The following ADGRG2 variants were observed in gnomAD, a reference collection of about 807,000 sequenced individuals.
ADGRG2 encodes G protein-coupled receptor 64.
A neutral mutation model predicts 74.1 loss-of-function variants in ADGRG2; 26 were observed. The observed-to-expected ratio is 0.35, with a 90% confidence interval of 0.26 to 0.49. The LOEUF (loss-of-function observed/expected upper bound fraction) is 0.49, where lower values mean the gene tolerates loss of function less well. ADGRG2 is among the 20% of genes least tolerant of loss of function. The pLI, the probability that ADGRG2 is intolerant of heterozygous loss-of-function variation, is 0.99. For missense variants in ADGRG2, 619 were observed against 763.1 expected, an observed-to-expected ratio of 0.81 and a Z score of 2.22; for synonymous variants, 296 against 295.2, an observed-to-expected ratio of 1.00 and a Z score of -0.03.
intron 2 of ADGRG2, among the ~76,000 whole-genome samples, chrX:19,075,259 C>A (rs1165555473): frequency 6.2e-4 from 64 of 103,315 alleles, no homozygotes; most frequent in African/African-American, 2.1e-3. Flanking sequence ...AAAAAAAAAA[C>A]AAAAACAAAA....
In ADGRG2 at chrX:19,007,293, G is replaced by A. The variant is rs367571716; in HGVS notation, c.1631C>T (p.Thr544Ile). The change falls in exon 20 of 29, where the codon ACC becomes ATC. Residue 544 changes from threonine to isoleucine, a missense_variant. This residue lies in a region of ADGRG2 where 221 missense variants were observed against 340.6 expected (regional missense o/e 0.65). Transcript: ENST00000379869. Reference protein sequence around the residue: ...YVISSSVANLTVRNLTRNVTV... With the variant: ...YVISSSVANLIVRNLTRNVTV... ...CACGTTTCTTGTCAAGTTCCTGACG[G>A]TCAGGTTTGCAACACTCGATGATAT... 5.2e-5 allele frequency: 63 copies of A among 1,206,644 alleles called. No individual in the cohort carries two copies. The highest frequency in any genetic ancestry group is 6.8e-5 in the Non-Finnish European group (61 of 892,147).
chrX:19,047,339 T>C (rs770310906), intron 3 of ADGRG2, among the ~76,000 whole-genome samples: 35 of 111,709 alleles, frequency 3.1e-4, no homozygotes, highest in Non-Finnish European at 2.3e-4. Flanking sequence ...TCACTCCTGA[T>C]TCCTGGGATC....
At chrX:19,044,828 G>A (rs2061143819) in intron 3 of ADGRG2, among the ~76,000 whole-genome samples, 1 of 111,766 alleles carries the variant, frequency 8.9e-6, no homozygotes, top group Non-Finnish European at 1.9e-5. Flanking sequence ...GGCATAACAG[G>A]AATAGCAAAA....
At chrX:19,046,760 C>T (rs2061198291) in intron 3 of ADGRG2, among the ~76,000 whole-genome samples, 1 of 111,476 alleles carries the variant, frequency 9.0e-6, no homozygotes, top group African/African-American at 3.3e-5. Flanking sequence ...GTTCAGGCCA[C>T]GGGATGTTGG....
At chrX:19,037,548 A>T in intron 5 of ADGRG2, 41 bp downstream of exon 5, 5 of 1,144,183 alleles carry the variant, frequency 4.4e-6, no homozygotes, top group Non-Finnish European at 5.9e-6. Context: ...AACTTTAACA[A>T]ATTGGACTAA....
chrX:19,019,201 G>A (rs1026468147), intron 15 of ADGRG2, among the ~76,000 whole-genome samples: 4 of 111,957 alleles, frequency 3.6e-5, no homozygotes, highest in African/African-American at 1.3e-4. Flanking sequence ...GAAAAGACAT[G>A]TACATGTAAT....
At chrX:19,090,831 A>G (rs962519105) in intron 1 of ADGRG2, among the ~76,000 whole-genome samples, 4 of 111,422 alleles carry the variant, frequency 3.6e-5, no homozygotes, top group African/African-American at 1.3e-4. Context: ...AAGTGTTCAT[A>G]TTCTAATGGG....
chrX:19,107,192 G>A (rs999975958), intron 1 of ADGRG2, among the ~76,000 whole-genome samples: 12 of 112,115 alleles, frequency 1.1e-4, no homozygotes, highest in African/African-American at 3.6e-4. Context: ...TCTCTGGCCA[G>A]TCCCAAACCT....
intron 1 of ADGRG2, among the ~76,000 whole-genome samples, chrX:19,090,152 C>T (rs2061995365): frequency 8.9e-6 from 1 of 111,734 alleles, no homozygotes; most frequent in African/African-American, 3.3e-5. Flanking sequence ...TCTATACACT[C>T]CCTCTGGAAC....
intron 1 of ADGRG2, among the ~76,000 whole-genome samples, chrX:19,097,238 G>C (rs1344128460): frequency 8.9e-6 from 1 of 112,931 alleles, no homozygotes; most frequent in African/African-American, 3.2e-5. Flanking sequence ...TTGGCCAGGC[G>C]TTGTGGCTTA....
intron 6 of ADGRG2, 114 bp from the exon 7 acceptor site, chrX:19,036,091 T>G (rs2060934709): frequency 7.3e-6 from 3 of 410,482 alleles, no homozygotes; most frequent in African/African-American, 2.5e-5. Context: ...AAGTTAGTTT[T>G]GCAAAAGCCA....
rs1175642013 is a variant in ADGRG2, at chrX:18,999,221, T to C, written c.2389A>G (p.Ile797Val). Residue 797 changes from isoleucine (I) to valine (V), a missense_variant, in exon 26 of 29, where the codon ATA (isoleucine) becomes GTA (valine). Physicochemically the swap from Ile to Val is conservative, Grantham distance 29. Coordinates refer to ENST00000379869, the MANE Select transcript of ADGRG2 (RefSeq NM_001079858.3). ...YITVVGYFCV[I>V]FLLNVSMFIV... is the part of the protein sequence containing the mutation. ...AACATGCTGACGTTCAGCAAAAATA[T>C]CACACAGAAATATCCCACCACCGTA... 3.3e-6 allele frequency: 4 copies of C among 1,207,895 alleles called. No homozygotes were observed. The highest frequency in any genetic ancestry group is 4.5e-6 in the Non-Finnish European group (4 of 892,369).
At chrX:19,001,608 C>T (rs191828132) in intron 24 of ADGRG2, among the ~76,000 whole-genome samples, 11 of 111,862 alleles carry the variant, frequency 9.8e-5, no homozygotes, top group African/African-American at 2.6e-4. Flanking sequence ...AGACAGAATC[C>T]GTGCCCAGTA....
intron 20 of ADGRG2, among the ~76,000 whole-genome samples, chrX:19,006,590 T>C (rs1471886452): frequency 9.1e-6 from 1 of 109,774 alleles, no homozygotes; most frequent in Non-Finnish European, 1.9e-5. Context: ...ATGCTGTGGG[T>C]CTGTGGACCA....
At chrX:19,054,536 A>G (rs1958479206) in intron 3 of ADGRG2, among the ~76,000 whole-genome samples, 1 of 112,317 alleles carries the variant, frequency 8.9e-6, no homozygotes, top group Non-Finnish European at 1.9e-5. Flanking sequence ...TTACCACTCA[A>G]AGATAACGTT....
intron 3 of ADGRG2, among the ~76,000 whole-genome samples, chrX:19,040,938 ATG>A (rs1362912066): frequency 9.0e-6 from 1 of 111,447 alleles, no homozygotes; most frequent in Non-Finnish European, 1.9e-5. Flanking sequence ...TTATTTCTCT[ATG>A]TGTGTATATA....
Position 18,990,729 on chromosome X carries a change from C to G in ADGRG2, c.*135G>C. 4.7e-6 allele frequency: 2 copies of G among 428,710 alleles called. No homozygotes were observed. The highest frequency in any genetic ancestry group is 7.9e-6 in the Non-Finnish European group (2 of 253,181). 35.3% of individuals were successfully genotyped at this position (428,710 alleles called of 1,213,427 possible). ...TCTTCTTGTAATAATAATCATCGCC[C>G]TTAATTAGCTTATGCTTCTCCAGAT... On this transcript the variant is annotated 3_prime_UTR_variant, in exon 29 of 29. Coordinates refer to ENST00000379869, the MANE Select transcript of ADGRG2 (RefSeq NM_001079858.3).
chrX:19,003,106 C>T lies in ADGRG2; in HGVS notation c.1970G>A (p.Arg657Gln), dbSNP rs747535841. Reference sequence around the variant, plus strand: ...GAGGATTTTGGAAGGGTAATCCCTCCGGATCTTTCTAAAAGGAAAGGATGA... The same window carrying T: ...GAGGATTTTGGAAGGGTAATCCCTCTGGATCTTTCTAAAAGGAAAGGATGA... The part of the protein sequence containing the change: ...LVTYIAFEKI[R>Q]RDYPSKILIQ... Residue 657 changes from arginine (R) to glutamine (Q), a missense_variant, in exon 24 of 29, where the codon CGG becomes CAG. By Grantham distance (43) the Arg-to-Gln change is conservative (BLOSUM62 1). Around this residue, in one of 3 missense-constraint regions of ADGRG2, gnomAD observed 221 missense variants for 340.6 expected, o/e 0.65. Coordinates refer to ENST00000379869, the MANE Select transcript of ADGRG2 (RefSeq NM_001079858.3). 18 of 1,192,750 alleles carry T rather than the reference C, an allele frequency of 1.5e-5. No homozygotes were observed. The highest frequency in any genetic ancestry group is 8.9e-5 in the Admixed American group (4 of 45,181).
At chrX:19,007,805 A>G (rs756903975) in intron 19 of ADGRG2, among the ~76,000 whole-genome samples, 175 bp downstream of exon 19, 2 of 112,253 alleles carry the variant, frequency 1.8e-5, no homozygotes, top group East Asian at 5.6e-4. Context: ...TGTAACTGTC[A>G]GTTACTGTTA....
Sources: allele counts gnomAD v4.1 joint callset (sites outside exome capture counted in the v4.1 genomes callset), GRCh38; gene constraint gnomAD v4.1.1; regional missense constraint gnomAD v4.1.1; transcripts MANE v1.5; gene names NCBI Gene and HGNC (gene_info 2026-07-23, HGNC 2026-07-21).